PLXDC2: variants seen among roughly 807,000 people sequenced by gnomAD.
The protein encoded by PLXDC2 is plexin domain containing 2.
A neutral mutation model predicts 68.9 loss-of-function variants in PLXDC2; 40 were observed. The ratio of observed to expected loss-of-function variants is 0.58; its 90% CI spans 0.45 to 0.76. The LOEUF is 0.76. Among genes scored for constraint, PLXDC2 ranks in the 30% least tolerant of loss-of-function variants. PLXDC2 has a pLI of 0.00. For synonymous variants in PLXDC2, 243 were observed against 234.2 expected, an observed-to-expected ratio of 1.04 and a Z score of -0.34; for missense variants, 644 against 661.9, an observed-to-expected ratio of 0.97 and a Z score of 0.30.
At chr10:20,067,142 T>G (rs1007438485) in intron 3 of PLXDC2, among the ~76,000 whole-genome samples, 4 of 152,178 alleles carry the variant, frequency 2.6e-5, no homozygotes, top group African/African-American at 7.2e-5. Context: ...CATTTTAATA[T>G]TTATTTTTTA....
chr10:20,004,105 G>A (rs1014886934), intron 2 of PLXDC2, among the ~76,000 whole-genome samples: 1 of 152,208 alleles, frequency 6.6e-6, no homozygotes, highest in Non-Finnish European at 1.5e-5. Flanking sequence ...GTTTCCTGAA[G>A]CAGATATTAC....
At chr10:20,075,061 T>G (rs1836415801) in intron 4 of PLXDC2, among the ~76,000 whole-genome samples, 1 of 152,234 alleles carries the variant, frequency 6.6e-6, no homozygotes, top group African/African-American at 2.4e-5. Flanking sequence ...CTGCTGAATC[T>G]GAATAATTCT....
intron 6 of PLXDC2, among the ~76,000 whole-genome samples, chr10:20,150,839 T>C (rs1023047001): frequency 6.6e-6 from 1 of 152,176 alleles, no homozygotes; most frequent in African/African-American, 2.4e-5. Flanking sequence ...CTGTTCTTGG[T>C]TGGTATTTTT....
At chr10:20,060,673 C>G (rs1233170707) in intron 3 of PLXDC2, among the ~76,000 whole-genome samples, 2 of 151,630 alleles carry the variant, frequency 1.3e-5, no homozygotes, top group Non-Finnish European at 2.9e-5. Context: ...GTGCCTTTCT[C>G]AAATTTTCTC....
At chr10:20,188,290 AT>A (rs1296487819) in intron 9 of PLXDC2, among the ~76,000 whole-genome samples, 21 of 151,622 alleles carry the variant, frequency 1.4e-4, no homozygotes, top group Non-Finnish European at 2.8e-4. Context: ...CCTAGTAGCC[AT>A]TATCCTATTC....
intron 1 of PLXDC2, among the ~76,000 whole-genome samples, chr10:19,854,099 T>C (rs1391555181): frequency 6.6e-6 from 1 of 152,152 alleles, no homozygotes; most frequent in Non-Finnish European, 1.5e-5. Context: ...GAGACAAGGC[T>C]ATCACAGCCA....
chr10:19,916,135 T>G (rs765251068), intron 1 of PLXDC2, among the ~76,000 whole-genome samples: 6 of 142,206 alleles, frequency 4.2e-5, no homozygotes, highest in Non-Finnish European at 9.1e-5. Flanking sequence ...TGTTTTGTTT[T>G]GTTTTTTTTT....
chr10:20,159,509 T>A (rs1834262862), intron 6 of PLXDC2, among the ~76,000 whole-genome samples: 1 of 152,102 alleles, frequency 6.6e-6, no homozygotes, highest in African/African-American at 2.4e-5. Flanking sequence ...TCCTAACTAG[T>A]TTGTCTGGCT....
chr10:20,246,409 G>A (rs546978634), intron 13 of PLXDC2, among the ~76,000 whole-genome samples: 52 of 152,334 alleles, frequency 3.4e-4, no homozygotes, highest in African/African-American at 1.2e-3. Flanking sequence ...CAATGCCGTG[G>A]TGCGATCTCG....
At chr10:20,217,345 A>T (rs1835150800) in intron 10 of PLXDC2, 81 bp from the exon 11 acceptor site, 1 of 1,304,386 alleles carries the variant, frequency 7.7e-7, no homozygotes, top group Non-Finnish European at 1.0e-6. Flanking sequence ...TTTGTGCTTT[A>T]CAGCCCAGCT....
intron 1 of PLXDC2, among the ~76,000 whole-genome samples, chr10:19,848,869 A>T (rs1215703532): frequency 1.3e-5 from 2 of 152,106 alleles, no homozygotes; most frequent in African/African-American, 4.8e-5. Context: ...TCATGAAAAG[A>T]AGCTTTCAGA....
intron 4 of PLXDC2, among the ~76,000 whole-genome samples, chr10:20,134,490 T>C (rs1384096156): frequency 6.6e-6 from 1 of 152,180 alleles, no homozygotes; most frequent in Non-Finnish European, 1.5e-5. Context: ...TGGGTAGGCC[T>C]ACTGCCTGGG....
At chr10:20,279,360 A>T (rs1266842178) in intron 13 of PLXDC2, among the ~76,000 whole-genome samples, 1 of 152,144 alleles carries the variant, frequency 6.6e-6, no homozygotes. Flanking sequence ...ATATTAAAAA[A>T]TATTTTCTAT....
At chr10:20,124,326 G>A (rs1250176429) in intron 4 of PLXDC2, among the ~76,000 whole-genome samples, 1 of 152,086 alleles carries the variant, frequency 6.6e-6, no homozygotes, top group Non-Finnish European at 1.5e-5. Flanking sequence ...GAGTGGAAAG[G>A]AGAAAGTGGT....
At chr10:19,975,649 C>T (rs1055105079) in intron 1 of PLXDC2, among the ~76,000 whole-genome samples, 5 of 152,290 alleles carry the variant, frequency 3.3e-5, no homozygotes, top group South Asian at 4.1e-4. Context: ...ATTCCTGCAT[C>T]TCTCTTTTGA....
intron 9 of PLXDC2, among the ~76,000 whole-genome samples, chr10:20,185,447 A>G (rs1834670065): frequency 6.6e-6 from 1 of 152,008 alleles, no homozygotes; most frequent in Non-Finnish European, 1.5e-5. Context: ...TCAGGGGCAT[A>G]TAAAGCATTC....
chr10:20,275,311 G>A (rs922439201), intron 13 of PLXDC2, among the ~76,000 whole-genome samples: 3 of 151,684 alleles, frequency 2.0e-5, no homozygotes, highest in African/African-American at 7.3e-5. Flanking sequence ...CATCACCTGG[G>A]AGCCTGTGAG....
At chr10:20,154,477 T>C (rs531174549) in intron 6 of PLXDC2, among the ~76,000 whole-genome samples, 11 of 150,814 alleles carry the variant, frequency 7.3e-5, no homozygotes, top group Admixed American at 2.0e-4. Flanking sequence ...GGCAGGAGAA[T>C]CTCTTGAACC....
intron 1 of PLXDC2, among the ~76,000 whole-genome samples, chr10:19,961,542 G>T (rs1399277333): frequency 6.6e-6 from 1 of 152,206 alleles, no homozygotes; most frequent in Non-Finnish European, 1.5e-5. Flanking sequence ...GTTGTCTTAT[G>T]ACATGATCAG....
Sources: allele counts gnomAD v4.1 joint callset (sites outside exome capture counted in the v4.1 genomes callset), GRCh38; gene constraint gnomAD v4.1.1; transcripts MANE v1.5; gene names NCBI Gene and HGNC (gene_info 2026-07-23, HGNC 2026-07-21).